The following ZDHHC17 variants were observed in gnomAD, a reference collection of about 807,000 sequenced individuals.
The protein encoded by ZDHHC17 is palmitoyltransferase ZDHHC17.
Under a neutral mutation model 90.3 loss-of-function variants are expected in ZDHHC17, and 40 were observed. The ratio of observed to expected loss-of-function variants is 0.44; its 90% CI spans 0.34 to 0.58. ZDHHC17 has a LOEUF of 0.58. Among genes scored for constraint, ZDHHC17 ranks in the 20% least tolerant of loss-of-function variants. The pLI, the probability that ZDHHC17 is intolerant of heterozygous loss-of-function variation, is 0.01. For missense variants in ZDHHC17, 614 were observed against 780.8 expected (o/e 0.79, Z 2.55); for synonymous variants, 235 against 252.4 (o/e 0.93, Z 0.65).
chr12:76,824,789 G>A (rs1312549049), intron 8 of ZDHHC17, among the ~76,000 whole-genome samples: 2 of 151,136 alleles, frequency 1.3e-5, no homozygotes, highest in African/African-American at 4.9e-5. Flanking sequence ...GCTGCAGTGA[G>A]CCAAGATCAT....
At chr12:76,832,160 C>T (rs762553216) in intron 10 of ZDHHC17, among the ~76,000 whole-genome samples, 5 of 152,086 alleles carry the variant, frequency 3.3e-5, no homozygotes, top group Non-Finnish European at 7.4e-5. Flanking sequence ...AGGAAGGGAA[C>T]AGAAAAGAAC....
In ZDHHC17 at chr12:76,815,105, A is replaced by G. The variant is rs367692820; in HGVS notation, c.544-41A>G. 1.4e-4 allele frequency: 203 copies of G among 1,471,822 alleles called. No individual in the cohort carries two copies. In the African/African-American group the frequency reaches 2.4e-3, roughly 18 times the overall value. 91.2% of individuals were successfully genotyped at this position (1,471,822 alleles called of 1,614,324 possible). The stretch of plus-strand genomic sequence containing the variant: ...TCCAAGCAAATTTGGTTAGGAACTT[A>G]TAATTTAACTGTCTGACTTTTTTTC... On this transcript the variant is annotated intron_variant, in intron 5 of 16. Transcript: ENST00000426126.
intron 14 of ZDHHC17, 34 bp from the exon 15 acceptor site, chr12:76,848,199 T>A: frequency 6.2e-7 from 1 of 1,610,298 alleles, no homozygotes; most frequent in South Asian, 1.1e-5. Context: ...GGATGATTAT[T>A]GAGTAAATAC....
At chr12:76,805,655 T>C (rs553471773) in intron 3 of ZDHHC17, among the ~76,000 whole-genome samples, 1 of 152,376 alleles carries the variant, frequency 6.6e-6, no homozygotes, top group Admixed American at 6.5e-5. Flanking sequence ...TTTCCATATA[T>C]GTTTTCTTTA....
At chr12:76,817,684 A>G (rs1410853208) in intron 7 of ZDHHC17, among the ~76,000 whole-genome samples, 1 of 152,128 alleles carries the variant, frequency 6.6e-6, no homozygotes, top group African/African-American at 2.4e-5. Context: ...TGTCTTTTCA[A>G]GTAAATAATG....
chr12:76,835,977 TTAAA>T (rs1953358165), intron 10 of ZDHHC17, among the ~76,000 whole-genome samples: 1 of 151,834 alleles, frequency 6.6e-6, no homozygotes. Flanking sequence ...GCTTTTAATA[TTAAA>T]TAATATATTA....
At chr12:76,790,197 G>A (rs1253875996) in intron 1 of ZDHHC17, among the ~76,000 whole-genome samples, 3 of 151,950 alleles carry the variant, frequency 2.0e-5, no homozygotes, top group African/African-American at 7.2e-5. Flanking sequence ...TATGCATATA[G>A]GCATTTACTT....
Position 76,822,441 on chromosome 12 carries a change from A to G in ZDHHC17, c.807A>G (p.Lys269=). The part of the protein sequence containing the change: ...ESALDLAKQR[K]NVWMINHLQE... ...CGCTTGATTTGGCAAAACAGAGAAA[A>G]AATGTGTGGATGATCAACCACTTAC... Residue 269 remains lysine (K), a synonymous_variant, in exon 8 of 17, where the codon AAA becomes AAG. Transcript: ENST00000426126. 9 of 1,613,934 alleles carry G rather than the reference A, an allele frequency of 5.6e-6. No homozygotes were observed. The highest frequency in any genetic ancestry group is 6.8e-6 in the Non-Finnish European group (8 of 1,179,874).
rs137909589 is a variant in ZDHHC17 at position 76,809,859 on chromosome 12, T to TA, written c.543+10dup. ...GCTTATCTCATAGCAAAAGGACAGG[T>TA]AAAAAAAATCTCAGTGGTATGGATT... On this transcript the variant is annotated splice_region_variant and intron_variant, in intron 5 of 16. Coordinates refer to ENST00000426126, the MANE Select transcript of ZDHHC17 (RefSeq NM_015336.4). The TA allele has an allele frequency of 3.0e-5, 49 of 1,608,316 alleles. No homozygotes were observed. Among genetic ancestry groups the TA allele is most frequent in the Middle Eastern group, 1.6e-4 (1 of 6,076 alleles).
intron 1 of ZDHHC17, among the ~76,000 whole-genome samples, chr12:76,770,114 C>G (rs577804030): frequency 1.3e-5 from 2 of 152,100 alleles, no homozygotes; most frequent in African/African-American, 4.8e-5. Context: ...TATAATAACA[C>G]CTACTTTATG....
At chr12:76,828,799 T>C (rs1953261633) in intron 10 of ZDHHC17, among the ~76,000 whole-genome samples, 1 of 152,172 alleles carries the variant, frequency 6.6e-6, no homozygotes, top group African/African-American at 2.4e-5. Context: ...TTCCCCCTTT[T>C]TGTTCCATAT....
chr12:76,836,849 T>C (rs1016391466), intron 10 of ZDHHC17, among the ~76,000 whole-genome samples: 1 of 152,194 alleles, frequency 6.6e-6, no homozygotes, highest in African/African-American at 2.4e-5. Flanking sequence ...ATTAAGTATG[T>C]GTAAGTTTAG....
chr12:76,805,178 A>T, intron 2 of ZDHHC17, 139 bp from the exon 3 acceptor site: 1 of 821,306 alleles, frequency 1.2e-6, no homozygotes, highest in South Asian at 2.0e-5. Flanking sequence ...TTGACATTTT[A>T]AAAGTAATAT....
At chr12:76,850,609 T>C (rs1402505592) in intron 16 of ZDHHC17, among the ~76,000 whole-genome samples, 1 of 152,156 alleles carries the variant, frequency 6.6e-6, no homozygotes, top group Non-Finnish European at 1.5e-5. Flanking sequence ...TTTGAATAAA[T>C]TTAAAATATA....
intron 1 of ZDHHC17, among the ~76,000 whole-genome samples, chr12:76,791,794 G>A (rs116914568): frequency 2.0e-5 from 3 of 152,204 alleles, no homozygotes; most frequent in African/African-American, 7.2e-5. Flanking sequence ...TATAAATTGG[G>A]TTCCCATGAC....
intron 1 of ZDHHC17, chr12:76,764,918 T>TA (rs1442554960): frequency 8.8e-6 from 4 of 452,918 alleles, no homozygotes; most frequent in South Asian, 1.6e-5. Flanking sequence ...GGAATAGACT[T>TA]ACACTCACAT....
chr12:76,827,990 A>G (rs1004528337), intron 9 of ZDHHC17, among the ~76,000 whole-genome samples: 2 of 152,114 alleles, frequency 1.3e-5, no homozygotes, highest in African/African-American at 4.8e-5. Flanking sequence ...GTAAGGAGAA[A>G]TAATGATGAA....
chr12:76,838,879 G>C (rs1953400219), intron 10 of ZDHHC17, among the ~76,000 whole-genome samples: 1 of 152,286 alleles, frequency 6.6e-6, no homozygotes, highest in South Asian at 2.1e-4. Flanking sequence ...AGTTCAAGCT[G>C]CCATAATGAT....
intron 1 of ZDHHC17, among the ~76,000 whole-genome samples, chr12:76,772,726 T>TTA (rs1262714879): frequency 2.0e-5 from 3 of 148,610 alleles, no homozygotes; most frequent in African/African-American, 7.5e-5. Flanking sequence ...TTTTTTTTTT[T>TTA]AGTAGAGACA....
Sources: gnomAD v4.1 joint callset for allele counts (sites outside exome capture counted in the v4.1 genomes callset) on GRCh38, gnomAD v4.1.1 for gene constraint, MANE v1.5 for transcripts, NCBI Gene and HGNC (gene_info 2026-07-23, HGNC 2026-07-21) for gene names.